The following LEKR1 variants were observed in gnomAD, a reference collection of about 807,000 sequenced individuals.
LEKR1 encodes the protein protein LEKR1.
A neutral mutation model predicts 72.4 loss-of-function variants in LEKR1; 59 were observed. The ratio of observed to expected loss-of-function variants is 0.82; its 90% CI spans 0.66 to 1.01. The LOEUF (loss-of-function observed/expected upper bound fraction) is 1.01. LEKR1 is among the 50% of genes least tolerant of loss of function. The probability of loss-of-function intolerance (pLI) is 0.00; values close to 1 mark genes in which losing one functional copy is unlikely to be tolerated. For synonymous variants in LEKR1, 257 were observed against 263.2 expected (o/e 0.98, Z 0.23); for missense variants, 728 against 759.2 (o/e 0.96, Z 0.48).
At chr3:156,978,321 A>G (rs1237979703) in intron 6 of LEKR1, among the ~76,000 whole-genome samples, 1 of 152,316 alleles carries the variant, frequency 6.6e-6, no homozygotes, top group Middle Eastern at 3.4e-3. Context: ...AAAGTTTACT[A>G]TTAAAATATG....
In LEKR1 at chr3:156,993,276, A is replaced by G; in HGVS notation, c.1108A>G (p.Arg370Gly). 6.4e-7 allele frequency: 1 copy of G among 1,568,172 alleles called. No homozygotes were observed. The highest frequency in any genetic ancestry group is 8.6e-7 in the Non-Finnish European group (1 of 1,160,886). ...REEVLTLKNE[R>G]ELMLISHQKS... ...AGAGGTTTTAACACTGAAAAATGAA[A>G]GGTGCAGTAAACAATAATTTCTTAC... Residue 370 changes from arginine (R) to glycine (G), a missense_variant and splice_region_variant, in exon 9 of 13, where the codon AGG becomes GGG. By Grantham distance (125) the Arg-to-Gly change is moderately radical (BLOSUM62 -2). Transcript: ENST00000356539.
chr3:156,984,367 C>CT (rs1730492408), intron 7 of LEKR1, among the ~76,000 whole-genome samples: 1 of 152,146 alleles, frequency 6.6e-6, no homozygotes, highest in South Asian at 2.1e-4. Flanking sequence ...AAGAATATGT[C>CT]TAAGTGATTA....
At chr3:156,908,629 T>C (rs1163038032) in intron 3 of LEKR1, among the ~76,000 whole-genome samples, 2 of 152,202 alleles carry the variant, frequency 1.3e-5, no homozygotes, top group Non-Finnish European at 2.9e-5. Context: ...TCACAAAATG[T>C]TCTAGGCTTA....
At chr3:156,952,897 A>C (rs973351702) in intron 6 of LEKR1, among the ~76,000 whole-genome samples, 3 of 151,598 alleles carry the variant, frequency 2.0e-5, no homozygotes, top group Non-Finnish European at 3.0e-5. Context: ...AGAGAGAGAC[A>C]GAGAAAGTTC....
chr3:157,022,474 A>G (rs569390350), intron 10 of LEKR1, among the ~76,000 whole-genome samples: 2 of 152,180 alleles, frequency 1.3e-5, no homozygotes, highest in African/African-American at 2.4e-5. Flanking sequence ...GATGCAAAGC[A>G]TCTTTTGAAG....
At chr3:156,969,159 C>A (rs1447916707) in intron 6 of LEKR1, among the ~76,000 whole-genome samples, 1 of 151,764 alleles carries the variant, frequency 6.6e-6, no homozygotes, top group Non-Finnish European at 1.5e-5. Context: ...CACTAAATGC[C>A]CACAAGAGAA....
intron 12 of LEKR1, among the ~76,000 whole-genome samples, chr3:157,028,714 A>G (rs866028562): frequency 2.0e-4 from 31 of 152,288 alleles, no homozygotes; most frequent in Admixed American, 5.2e-4. Context: ...TTATATGTTT[A>G]TGTCTTATTT....
At chr3:157,006,363 C>A (rs2108019038) in intron 9 of LEKR1, among the ~76,000 whole-genome samples, 1 of 152,282 alleles carries the variant, frequency 6.6e-6, no homozygotes, top group South Asian at 2.1e-4. Flanking sequence ...GAAGTGTTTA[C>A]AAAGATATGG....
intron 2 of LEKR1, among the ~76,000 whole-genome samples, chr3:156,849,774 C>T (rs1315037308): frequency 5.3e-5 from 8 of 152,298 alleles, no homozygotes; most frequent in Non-Finnish European, 1.5e-5. Flanking sequence ...GGATTAAAGA[C>T]TTACATGTTA....
intron 4 of LEKR1, chr3:156,924,567 T>C: frequency 1.5e-6 from 1 of 656,304 alleles, no homozygotes; most frequent in East Asian, 2.7e-5. Context: ...TATTTTCTTC[T>C]AAGTGTTTTA....
intron 6 of LEKR1, among the ~76,000 whole-genome samples, chr3:156,957,914 A>G (rs7615304): frequency 0.58 from 87,951 of 151,832 alleles, 26,501 homozygotes; most frequent in East Asian, 0.73. Flanking sequence ...CTGACCCCAC[A>G]TAATTTCAAG....
chr3:156,910,831 A>C (rs1490359803), intron 3 of LEKR1, among the ~76,000 whole-genome samples: 4 of 152,034 alleles, frequency 2.6e-5, no homozygotes, highest in Non-Finnish European at 5.9e-5. Flanking sequence ...AAAACAATTT[A>C]TTTTCCTTTG....
At chr3:156,848,754 G>T (rs1714943136) in intron 2 of LEKR1, among the ~76,000 whole-genome samples, 1 of 152,146 alleles carries the variant, frequency 6.6e-6, no homozygotes, top group African/African-American at 2.4e-5. Context: ...AAATCAGAGA[G>T]TGAGATACAT....
chr3:157,043,606 C>T (rs1006447566), intron 12 of LEKR1, among the ~76,000 whole-genome samples: 1 of 152,186 alleles, frequency 6.6e-6, no homozygotes, highest in Non-Finnish European at 1.5e-5. Context: ...CAGCAAGTTA[C>T]ATAACAGTGT....
intron 3 of LEKR1, among the ~76,000 whole-genome samples, chr3:156,880,197 A>C (rs554845327): frequency 6.6e-6 from 1 of 152,324 alleles, no homozygotes; most frequent in African/African-American, 2.4e-5. Context: ...TCCCCTGCAA[A>C]GCCACAGGGG....
At chr3:156,916,328 G>A (rs886399482) in intron 3 of LEKR1, among the ~76,000 whole-genome samples, 1 of 151,818 alleles carries the variant, frequency 6.6e-6, no homozygotes, top group African/African-American at 2.4e-5. Flanking sequence ...GAATAGTATT[G>A]AATCTCTAAA....
At chr3:156,991,290 G>A (rs1172514725) in intron 7 of LEKR1, among the ~76,000 whole-genome samples, 4 of 151,816 alleles carry the variant, frequency 2.6e-5, no homozygotes, top group Non-Finnish European at 5.9e-5. Flanking sequence ...AATCACCAGA[G>A]TATTCTTCTT....
chr3:156,887,702 T>C (rs566261920), intron 3 of LEKR1, among the ~76,000 whole-genome samples: 90 of 152,238 alleles, frequency 5.9e-4, no homozygotes, highest in African/African-American at 2.1e-3. Flanking sequence ...TAATTTAGAA[T>C]CATTTTTATT....
intron 2 of LEKR1, among the ~76,000 whole-genome samples, chr3:156,839,983 G>A (rs1006327431): frequency 2.0e-5 from 3 of 152,158 alleles, no homozygotes; most frequent in Non-Finnish European, 4.4e-5. Context: ...CCCTGAGACA[G>A]CAACACCAAC....
Sources: gnomAD v4.1 joint callset for allele counts (sites outside exome capture counted in the v4.1 genomes callset) on GRCh38, gnomAD v4.1.1 for gene constraint, MANE v1.5 for transcripts, NCBI Gene and HGNC (gene_info 2026-07-23, HGNC 2026-07-21) for gene names.